The following PLEKHH2 variants were observed in gnomAD, a reference collection of about 807,000 sequenced individuals.
PLEKHH2 encodes pleckstrin homology domain-containing family H member 2.
PLEKHH2 carries 129 observed loss-of-function variants against 187.9 expected under a neutral mutation model. The observed-to-expected ratio is 0.69, with a 90% confidence interval of 0.59 to 0.79. The LOEUF is 0.79. PLEKHH2 is among the 30% of genes least tolerant of loss of function. The pLI is 0.00. For missense variants in PLEKHH2, 2,076 were observed against 1,751.2 expected (o/e 1.19, Z -3.31); for synonymous variants, 686 against 605.6 (o/e 1.13, Z -1.95).
At chr2:43,713,985 A>G (rs911006215) in intron 15 of PLEKHH2, among the ~76,000 whole-genome samples, 3 of 152,170 alleles carry the variant, frequency 2.0e-5, no homozygotes, top group African/African-American at 7.2e-5. Context: ...TGTTTTTTCT[A>G]AAATACGACT....
At chr2:43,758,368 T>G (rs1672296919) in intron 26 of PLEKHH2, among the ~76,000 whole-genome samples, 1 of 152,154 alleles carries the variant, frequency 6.6e-6, no homozygotes, top group South Asian at 2.1e-4. Context: ...TTCTCCCACC[T>G]CAGCCTCCCG....
chr2:43,717,627 GGAAGT>G (rs972319022), intron 15 of PLEKHH2, among the ~76,000 whole-genome samples: 28 of 152,296 alleles, frequency 1.8e-4, no homozygotes, highest in African/African-American at 6.5e-4. Context: ...AAAGGTTACT[GGAAGT>G]GAAGAGAGCA....
chr2:43,690,477 C>CA (rs1483773552), intron 3 of PLEKHH2, among the ~76,000 whole-genome samples: 3 of 151,720 alleles, frequency 2.0e-5, no homozygotes. Flanking sequence ...ATTCATGGTT[C>CA]AAAAAAATAA....
At position 43,637,372 on chromosome 2, in the gene PLEKHH2, A is replaced by G. The variant is rs1018711720; in HGVS notation, c.-11A>G. ...CTGCGGCCGGGGACCCGCTGCTGAG[A>G]TAGACAGGTGAGAAAGCCCGGGGAC... On this transcript the variant is annotated 5_prime_UTR_variant, in exon 1 of 30. Transcript: ENST00000282406. 6.6e-6 allele frequency: 1 copy of G among 152,372 alleles called. No homozygotes were observed. The highest frequency in any genetic ancestry group is 1.5e-5 in the Non-Finnish European group (1 of 68,212). The allele number at this position is 152,372 out of a possible 1,614,324, so 9.4% of individuals were successfully genotyped here. A position where few individuals can be genotyped will look rare whatever the true frequency, so the allele number is the denominator to read the frequency against.
intron 28 of PLEKHH2, among the ~76,000 whole-genome samples, chr2:43,763,586 ATT>A (rs541418802): frequency 4.6e-4 from 60 of 130,326 alleles, no homozygotes; most frequent in Middle Eastern, 4.0e-3. Context: ...TGCCCGGCTA[ATT>A]TTTTTTTTTT....
Position 43,700,400 on chromosome 2 carries a change from C to T in PLEKHH2, c.1442C>T (p.Pro481Leu), listed in dbSNP as rs76894979. 5.1e-5 allele frequency: 82 copies of T among 1,614,060 alleles called. No individual in the cohort carries two copies. The African/African-American group carries it at 9.7e-4, about 19-fold the overall frequency. Residue 481 changes from proline to leucine, a missense_variant, in exon 8 of 30, where the codon CCA (proline) becomes CTA (leucine). By Grantham distance (98) the Pro-to-Leu change is moderately conservative (BLOSUM62 -3). Transcript: ENST00000282406. ...AGAAACGCTATAAGCATGATACGAC[C>T]ACTGAGACCTCAGGAAACTGATCTT... Reference protein sequence around the residue: ...TNRNAISMIRPLRPQETDLDL... With the variant: ...TNRNAISMIRLLRPQETDLDL...
At position 43,655,964 on chromosome 2, in the gene PLEKHH2, AT is replaced by A. The variant is rs10646252; in HGVS notation, c.123+11180del. On this transcript the variant is annotated intron_variant, in intron 2 of 29. Transcript: ENST00000282406. Reference sequence around the variant, plus strand: ...ATTTAATCTGGAATGTATCTTAGTGATTTTTTTTTTTTGAGATAGAGTCTCG... The same window carrying A: ...ATTTAATCTGGAATGTATCTTAGTGATTTTTTTTTTTGAGATAGAGTCTCG... Among the ~76,000 whole-genome samples the A allele has an allele frequency of 2.8e-3, 411 of 148,592 alleles. 1 individual carries two copies. The highest frequency in any genetic ancestry group is 8.6e-3 in the African/African-American group (348 of 40,426).
At chr2:43,694,325 A>C in intron 4 of PLEKHH2, 106 bp from the exon 5 acceptor site, 1 of 1,276,366 alleles carries the variant, frequency 7.8e-7, no homozygotes, top group East Asian at 2.9e-5. Flanking sequence ...AGATATAGTA[A>C]CTTGGAATCA....
At chr2:43,716,657 C>T (rs917506753) in intron 15 of PLEKHH2, among the ~76,000 whole-genome samples, 2 of 152,072 alleles carry the variant, frequency 1.3e-5, no homozygotes, top group African/African-American at 4.8e-5. Context: ...TTCAAATATG[C>T]AAAAAAGCAG....
chr2:43,692,210 T>C (rs1246849020), intron 3 of PLEKHH2: 4 of 173,206 alleles, frequency 2.3e-5, no homozygotes, highest in African/African-American at 4.8e-5. Flanking sequence ...GGCTGGAAAC[T>C]TTCTGTTTCT....
intron 23 of PLEKHH2, among the ~76,000 whole-genome samples, chr2:43,744,867 C>CAAAAAAAAAAAAAAAA (rs774106764): frequency 2.7e-4 from 22 of 82,530 alleles, no homozygotes; most frequent in Non-Finnish European, 3.5e-4. Flanking sequence ...GACTGTCTCA[C>CAAAAAAAAAAAAAAAA]AAAAAAAAAA....
rs112981480 is a variant in PLEKHH2, at chr2:43,696,636, A to G, written c.503-535A>G. On this transcript the variant is annotated intron_variant, in intron 6 of 29. Transcript: ENST00000282406. ...TAAAGCTCTTTATATTGTGGTTACCATAGACCCAACCTCCCCATCTACTTT... is the reference window on the plus strand; with the variant it reads ...TAAAGCTCTTTATATTGTGGTTACCGTAGACCCAACCTCCCCATCTACTTT... Among the ~76,000 whole-genome samples, 853 of 152,094 alleles carry G rather than the reference A, an allele frequency of 5.6e-3. 7 individuals carry two copies. Among genetic ancestry groups the G allele is most frequent in the African/African-American group, 0.02 (816 of 41,474 alleles).
intron 2 of PLEKHH2, among the ~76,000 whole-genome samples, chr2:43,673,895 T>A (rs959836695): frequency 6.6e-6 from 1 of 152,204 alleles, no homozygotes; most frequent in African/African-American, 2.4e-5. Context: ...AGAAAGCAAG[T>A]AACTTTTGAG....
chr2:43,678,528 C>T lies in PLEKHH2; in HGVS notation c.124-335C>T, dbSNP rs570328121. Among the ~76,000 whole-genome samples the T allele has an allele frequency of 2.7e-3, 409 of 152,248 alleles. 2 individuals carry two copies. The highest frequency in any genetic ancestry group is 9.4e-3 in the African/African-American group (389 of 41,558). On this transcript the variant is annotated intron_variant, in intron 2 of 29. Coordinates refer to ENST00000282406, the MANE Select transcript of PLEKHH2 (RefSeq NM_172069.4). ...CTGGAGACCAGCCCGGCCAACACAG[C>T]GAAACCCCGTCTCCACCAAAAAAAT...
In PLEKHH2 at chr2:43,758,940, C is replaced by T. The variant is rs374815272; in HGVS notation, c.3982C>T (p.Arg1328Trp). The T allele has an allele frequency of 1.6e-5, 26 of 1,603,948 alleles. No individual in the cohort carries two copies. The highest frequency in any genetic ancestry group is 2.0e-5 in the Non-Finnish European group (23 of 1,172,132). Residue 1328 changes from arginine (R) to tryptophan (W), a missense_variant, in exon 27 of 30, where the codon CGG becomes TGG. Physicochemically the swap from Arg to Trp is moderately radical, Grantham distance 101 (BLOSUM62 -3). Transcript: ENST00000282406. Reference protein sequence around the residue: ...QRLSTRWMALRGHSAADCVRI... With the variant: ...QRLSTRWMALWGHSAADCVRI... ...ACTTTCAACCAGATGGATGGCCCTC[C>T]GGGGACACAGTGCTGCTGACTGTGT...
intron 16 of PLEKHH2, 125 bp from the exon 17 acceptor site, chr2:43,726,147 T>TA: frequency 3.3e-6 from 2 of 613,486 alleles, no homozygotes. Context: ...AAAAGGAAAA[T>TA]AAAAAATAAA....
Position 43,738,513 on chromosome 2 carries a change from C to G in PLEKHH2, c.3116C>G (p.Pro1039Arg), listed in dbSNP as rs769146247. The change falls in exon 20 of 30, where the codon CCA becomes CGA. Residue 1039 changes from proline (P) to arginine (R), a missense_variant. Coordinates refer to ENST00000282406, the MANE Select transcript of PLEKHH2 (RefSeq NM_172069.4). ...RRRQPQNQPG[P>R]LQGWQLLALC... The stretch of plus-strand genomic sequence containing the variant: ...AGACAGCCACAGAATCAACCAGGAC[C>G]ATTGCAGGTAGATATTAATATTGAT... 5.0e-6 allele frequency: 8 copies of G among 1,606,072 alleles called. No individual in the cohort carries two copies. Among genetic ancestry groups the G allele is most frequent in the Admixed American group, 1.7e-5 (1 of 58,956 alleles).
At chr2:43,687,142 G>A (rs944229405) in intron 3 of PLEKHH2, among the ~76,000 whole-genome samples, 9 of 152,094 alleles carry the variant, frequency 5.9e-5, no homozygotes, top group Admixed American at 2.6e-4. Flanking sequence ...CCATGTCTCC[G>A]TCTCTTGCTC....
At chr2:43,712,549 TGAAAA>T (rs1670018547) in intron 15 of PLEKHH2, among the ~76,000 whole-genome samples, 166 bp downstream of exon 15, 1 of 152,100 alleles carries the variant, frequency 6.6e-6, no homozygotes, top group Non-Finnish European at 1.5e-5. Context: ...ACTATAAAGA[TGAAAA>T]GAAGACAAAT....
Sources: gnomAD v4.1 joint callset for allele counts (sites outside exome capture counted in the v4.1 genomes callset) on GRCh38, gnomAD v4.1.1 for gene constraint, MANE v1.5 for transcripts, NCBI Gene and HGNC (gene_info 2026-07-23, HGNC 2026-07-21) for gene names.